The following MINDY4B variants were observed in gnomAD, a reference collection of about 807,000 sequenced individuals.
MINDY4B encodes the protein inactive ubiquitin carboxyl-terminal hydrolase MINDY-4B.
MINDY4B carries 25 observed loss-of-function variants against 16.7 expected under a neutral mutation model. The observed-to-expected ratio is 1.49, with a 90% CI of 1.09 to 2.09. MINDY4B has a LOEUF of 2.09. MINDY4B is among the 30% of genes most tolerant of loss of function. The pLI, the probability that MINDY4B is intolerant of heterozygous loss-of-function variation, is 0.00. For synonymous variants in MINDY4B, 132 were observed against 61.9 expected (o/e 2.13, Z -5.32); for missense variants, 327 against 168.4 (o/e 1.94, Z -5.21).
chr3:150,896,709 A>C (rs918348079), intron 3 of MINDY4B, among the ~76,000 whole-genome samples: 1 of 152,154 alleles, frequency 6.6e-6, no homozygotes, highest in Non-Finnish European at 1.5e-5. Context: ...GGTTGCCTGC[A>C]CAAAAGTCCT....
intron 10 of MINDY4B, among the ~76,000 whole-genome samples, chr3:150,879,759 G>C (rs1336546613): frequency 6.6e-6 from 1 of 152,152 alleles, no homozygotes; most frequent in Non-Finnish European, 1.5e-5. Flanking sequence ...TCTGTTCTGG[G>C]GGATGACCTG....
At chr3:150,873,890 A>G (rs1251883749) in intron 10 of MINDY4B, among the ~76,000 whole-genome samples, 1 of 152,104 alleles carries the variant, frequency 6.6e-6, no homozygotes, top group Non-Finnish European at 1.5e-5. Flanking sequence ...ACACATACAC[A>G]CATCACACAT....
chr3:150,894,500 G>T (rs948259063), intron 3 of MINDY4B, among the ~76,000 whole-genome samples, 195 bp from the exon 4 acceptor site: 1 of 152,156 alleles, frequency 6.6e-6, no homozygotes, highest in Non-Finnish European at 1.5e-5. Context: ...TGTCCCTCGT[G>T]TCTCTCCTTC....
intron 10 of MINDY4B, among the ~76,000 whole-genome samples, chr3:150,875,689 C>T (rs1423090262): frequency 6.6e-6 from 1 of 152,136 alleles, no homozygotes; most frequent in East Asian, 1.9e-4. Flanking sequence ...ACCTTCAACC[C>T]TCCAAAAGTG....
At chr3:150,895,991 T>C (rs1156729836) in intron 3 of MINDY4B, among the ~76,000 whole-genome samples, 2 of 152,158 alleles carry the variant, frequency 1.3e-5, no homozygotes, top group Admixed American at 1.3e-4. Flanking sequence ...CTTAGAATAA[T>C]AGAAGAATGC....
chr3:150,885,461 G>GAAAAAAGC (rs57919280), intron 7 of MINDY4B, 23 bp from the exon 8 acceptor site: 1 of 699,364 alleles, frequency 1.4e-6, no homozygotes, highest in African/African-American at 1.8e-5. Flanking sequence ...GAAAAGAAAA[G>GAAAAAAGC]CATGTTGGTC....
intron 3 of MINDY4B, among the ~76,000 whole-genome samples, chr3:150,897,802 G>A (rs556939883): frequency 2.2e-4 from 33 of 152,338 alleles, no homozygotes; most frequent in African/African-American, 7.7e-4. Context: ...ACTTCAAGGA[G>A]AGGCAGCGAA....
At chr3:150,880,832 T>C (rs1207166022) in intron 10 of MINDY4B, among the ~76,000 whole-genome samples, 2 of 152,206 alleles carry the variant, frequency 1.3e-5, no homozygotes, top group Admixed American at 1.3e-4. Context: ...TGGGTTCTTA[T>C]AGCTATAGAA....
chr3:150,889,834 C>G (rs1368959982), intron 7 of MINDY4B, among the ~76,000 whole-genome samples: 1 of 152,178 alleles, frequency 6.6e-6, no homozygotes, highest in Non-Finnish European at 1.5e-5. Context: ...CCCTTTCCAC[C>G]CTGGGGGTAG....
At chr3:150,904,133 C>T (rs924655844) in intron 2 of MINDY4B, among the ~76,000 whole-genome samples, 4 of 152,180 alleles carry the variant, frequency 2.6e-5, no homozygotes, top group Non-Finnish European at 2.9e-5. Context: ...ATTCAAATCA[C>T]GGACTACTGA....
intron 9 of MINDY4B, among the ~76,000 whole-genome samples, chr3:150,883,284 A>G (rs1711551994): frequency 6.6e-6 from 1 of 152,128 alleles, no homozygotes; most frequent in Non-Finnish European, 1.5e-5. Flanking sequence ...CCCCACTCTG[A>G]TCTTACTGCC....
At chr3:150,894,476 G>T (rs16862996) in intron 3 of MINDY4B, among the ~76,000 whole-genome samples, 171 bp from the exon 4 acceptor site, 1 of 152,158 alleles carries the variant, frequency 6.6e-6, no homozygotes, top group East Asian at 1.9e-4. Context: ...AGCAGAAGAT[G>T]TCTAGACAAC....
At chr3:150,872,648 G>C (rs1242989362) in intron 11 of MINDY4B, among the ~76,000 whole-genome samples, 8 of 152,208 alleles carry the variant, frequency 5.3e-5, no homozygotes, top group African/African-American at 1.9e-4. Flanking sequence ...GAGCCACCAG[G>C]CAGACCTGTG....
intron 7 of MINDY4B, among the ~76,000 whole-genome samples, chr3:150,888,643 G>A (rs1252505049): frequency 6.6e-6 from 1 of 152,168 alleles, no homozygotes; most frequent in Non-Finnish European, 1.5e-5. Flanking sequence ...ACACCATCAA[G>A]CTCCCCTCAC....
At chr3:150,888,323 G>A (rs1376189215) in intron 7 of MINDY4B, among the ~76,000 whole-genome samples, 2 of 152,088 alleles carry the variant, frequency 1.3e-5, no homozygotes, top group East Asian at 1.9e-4. Context: ...CAACCTAACT[G>A]AGTCTGGCCT....
chr3:150,883,944 AG>A (rs1711566452), intron 8 of MINDY4B, among the ~76,000 whole-genome samples, 172 bp from the exon 9 acceptor site: 1 of 152,168 alleles, frequency 6.6e-6, no homozygotes, highest in African/African-American at 2.4e-5. Flanking sequence ...GGGGTTGCAG[AG>A]GTGGATGCAA....
At chr3:150,880,957 C>T (rs1711516866) in intron 10 of MINDY4B, among the ~76,000 whole-genome samples, 1 of 152,168 alleles carries the variant, frequency 6.6e-6, no homozygotes, top group Non-Finnish European at 1.5e-5. Flanking sequence ...TTATATGAGT[C>T]AATTTTAAGA....
chr3:150,878,339 C>T (rs2107896909), intron 10 of MINDY4B, among the ~76,000 whole-genome samples: 1 of 152,234 alleles, frequency 6.6e-6, no homozygotes, highest in Admixed American at 6.5e-5. Context: ...GTAAAATCAC[C>T]TTGATACGTA....
chr3:150,902,527 A>G (rs901141016), intron 3 of MINDY4B, among the ~76,000 whole-genome samples: 5 of 152,134 alleles, frequency 3.3e-5, no homozygotes, highest in Non-Finnish European at 5.9e-5. Context: ...CAAGTTTCCA[A>G]TGGCATCTTT....
Sources: allele counts gnomAD v4.1 joint callset (sites outside exome capture counted in the v4.1 genomes callset), GRCh38; gene constraint gnomAD v4.1.1; transcripts MANE v1.5; gene names NCBI Gene and HGNC (gene_info 2026-07-23, HGNC 2026-07-21).